The following DTNA variants were observed in gnomAD, a reference collection of about 807,000 sequenced individuals.
DTNA encodes dystrobrevin alpha, also known as dystrophin-related protein 3.
A neutral mutation model predicts 100.7 loss-of-function variants in DTNA; 43 were observed. The ratio of observed to expected loss-of-function variants is 0.43; its 90% CI spans 0.33 to 0.55. The LOEUF is 0.55. Ranked by LOEUF, DTNA falls within the 20% of genes least tolerant of loss-of-function variation. The pLI, the probability that DTNA is intolerant of heterozygous loss-of-function variation, is 0.04. For missense variants in DTNA, 798 were observed against 953.9 expected, an observed-to-expected ratio of 0.84 and a Z score of 2.15; for synonymous variants, 349 against 347.9, an observed-to-expected ratio of 1.00 and a Z score of -0.04.
chr18:34,700,997 C>G (rs1483823356), intron 1 of DTNA, among the ~76,000 whole-genome samples: 1 of 152,156 alleles, frequency 6.6e-6, no homozygotes, highest in East Asian at 1.9e-4. Flanking sequence ...TATCTCCTTT[C>G]ACCCTCTTAA....
chr18:34,640,775 A>C (rs554582197), intron 1 of DTNA, among the ~76,000 whole-genome samples: 4 of 152,354 alleles, frequency 2.6e-5, no homozygotes, highest in Admixed American at 6.5e-5. Context: ...GCCTTGATCT[A>C]GCCTACCCCA....
chr18:34,767,599 A>G (rs1034932632), intron 3 of DTNA: 4 of 152,232 alleles, frequency 2.6e-5, no homozygotes, highest in Non-Finnish European at 5.9e-5. Flanking sequence ...GAGTCTGCTT[A>G]CTAGTGGGAC....
At chr18:34,638,010 G>A (rs1253873715) in intron 1 of DTNA, among the ~76,000 whole-genome samples, 2 of 152,188 alleles carry the variant, frequency 1.3e-5, no homozygotes, top group Non-Finnish European at 1.5e-5. Context: ...TTGTCAGATA[G>A]GTCCCAGGCA....
intron 1 of DTNA, among the ~76,000 whole-genome samples, chr18:34,661,841 AC>A (rs1302401720): frequency 1.3e-5 from 2 of 152,118 alleles, no homozygotes; most frequent in African/African-American, 4.8e-5. Context: ...CAGCTTTCAA[AC>A]CCTGCCAACA....
chr18:34,787,321 A>G (rs1184776728), intron 3 of DTNA, among the ~76,000 whole-genome samples: 1 of 152,128 alleles, frequency 6.6e-6, no homozygotes, highest in Non-Finnish European at 1.5e-5. Flanking sequence ...ACTCTTTTAT[A>G]TTTTGGACTC....
At chr18:34,650,405 A>C (rs1156404735) in intron 1 of DTNA, among the ~76,000 whole-genome samples, 1 of 152,098 alleles carries the variant, frequency 6.6e-6, no homozygotes, top group Non-Finnish European at 1.5e-5. Context: ...GTGTGTGTGC[A>C]TGTGCATGTT....
rs1601812840 is a variant in DTNA at position 34,556,071 on chromosome 18, A to G, written c.-2+62557A>G. 2.0e-5 allele frequency among the ~76,000 whole-genome samples: 3 copies of G among 151,362 alleles called. No homozygotes were observed. The East Asian group carries it at 5.8e-4, about 29-fold the overall frequency. ...GGGTGCTCCTGTATTGGGTGCATAT[A>G]TATTTAGGATAGTTAGCTCTTCTTG... On this transcript the variant is annotated intron_variant, in intron 1 of 19. Coordinates refer to the DTNA transcript ENST00000283365.
intron 3 of DTNA, among the ~76,000 whole-genome samples, chr18:34,770,377 A>G (rs1341835008): frequency 6.6e-6 from 1 of 152,242 alleles, no homozygotes; most frequent in Non-Finnish European, 1.5e-5. Flanking sequence ...CTGTCTGCAT[A>G]CAGCACAGAC....
At chr18:34,807,578 G>A (rs751301379) in intron 5 of DTNA, among the ~76,000 whole-genome samples, 7 of 152,100 alleles carry the variant, frequency 4.6e-5, no homozygotes, top group African/African-American at 9.7e-5. Flanking sequence ...CCCTGGAGAT[G>A]CTCCAGGGAT....
At chr18:34,883,310 T>C (rs1603354622) in intron 21 of DTNA, among the ~76,000 whole-genome samples, 2 of 152,058 alleles carry the variant, frequency 1.3e-5, no homozygotes, top group Admixed American at 6.6e-5. Context: ...TTTTCTTTTT[T>C]CCTTTTTTTT....
At chr18:34,719,264 A>C (rs2084743519) in intron 1 of DTNA, among the ~76,000 whole-genome samples, 1 of 152,122 alleles carries the variant, frequency 6.6e-6, no homozygotes, top group Non-Finnish European at 1.5e-5. Context: ...GAATCACTTG[A>C]ACCAGGGAGG....
chr18:34,551,729 T>A (rs919383356), intron 1 of DTNA, among the ~76,000 whole-genome samples: 27 of 152,272 alleles, frequency 1.8e-4, no homozygotes, highest in African/African-American at 6.3e-4. Flanking sequence ...TATCTTTTGG[T>A]CTAGATCTGA....
At chr18:34,581,214 C>T (rs2048583933) in intron 1 of DTNA, among the ~76,000 whole-genome samples, 2 of 152,064 alleles carry the variant, frequency 1.3e-5, no homozygotes, top group South Asian at 4.2e-4. Context: ...CACCACTGCA[C>T]TCCAGCCTGG....
intron 14 of DTNA, 113 bp downstream of exon 14, chr18:34,848,496 A>C: frequency 8.8e-7 from 1 of 1,140,262 alleles, no homozygotes; most frequent in Non-Finnish European, 1.3e-6. Context: ...ATTTGTGCTA[A>C]TTTATTGTGC....
chr18:34,838,650 A>G (rs2096204853), intron 12 of DTNA, 95 bp from the exon 13 acceptor site: 1 of 1,038,996 alleles, frequency 9.6e-7, no homozygotes, highest in Non-Finnish European at 1.5e-6. Context: ...GGTTTTCTAA[A>G]TGCCTTTTCT....
intron 1 of DTNA, among the ~76,000 whole-genome samples, chr18:34,501,570 C>T (rs1469584634): frequency 6.6e-6 from 1 of 152,128 alleles, no homozygotes; most frequent in African/African-American, 2.4e-5. Flanking sequence ...TAGAATTCTC[C>T]AGTGAAATCA....
rs1163221425 is a variant in DTNA, at chr18:34,875,129, C to T, written c.1744-110C>T. On this transcript the variant is annotated intron_variant, in intron 17 of 22. Coordinates refer to ENST00000444659, the MANE Select transcript of DTNA (RefSeq NM_001386795.1). Reference sequence around the variant, plus strand: ...CCAACACAATTACCTAGGATTTCCTCCTGCTTTGAAATTTCATTGTCACTG... The same window carrying T: ...CCAACACAATTACCTAGGATTTCCTTCTGCTTTGAAATTTCATTGTCACTG... 8 of 1,490,796 alleles carry T rather than the reference C, an allele frequency of 5.4e-6. No homozygotes were observed. In the South Asian group the frequency reaches 8.9e-5, roughly 17 times the overall value. 92.3% of individuals were successfully genotyped at this position (1,490,796 alleles called of 1,614,324 possible).
At chr18:34,607,055 T>C (rs1338858283) in intron 1 of DTNA, among the ~76,000 whole-genome samples, 1 of 152,216 alleles carries the variant, frequency 6.6e-6, no homozygotes. Flanking sequence ...CTCCCATCTG[T>C]ATCCAGTTCT....
intron 1 of DTNA, among the ~76,000 whole-genome samples, chr18:34,513,338 C>A (rs950250416): frequency 1.3e-5 from 2 of 152,110 alleles, no homozygotes; most frequent in Non-Finnish European, 2.9e-5. Flanking sequence ...TAGTTATGGT[C>A]ATAACATGTG....
Sources: gnomAD v4.1 joint callset for allele counts (sites outside exome capture counted in the v4.1 genomes callset) on GRCh38, gnomAD v4.1.1 for gene constraint, MANE v1.5 for transcripts, NCBI Gene and HGNC (gene_info 2026-07-23, HGNC 2026-07-21) for gene names.